Variants in KAT2B observed in about 807,000 individuals in gnomAD.
KAT2B encodes the protein histone acetyltransferase KAT2B.
KAT2B carries 36 observed loss-of-function variants against 105.9 expected under a neutral mutation model. That is an observed-to-expected ratio of 0.34 (90% confidence interval 0.26 to 0.45). The LOEUF is 0.45. Among genes scored for constraint, KAT2B ranks in the 20% least tolerant of loss-of-function variants. The probability of loss-of-function intolerance (pLI) is 1.00; values close to 1 mark genes in which losing one functional copy is unlikely to be tolerated. For synonymous variants in KAT2B, 397 were observed against 377.9 expected, an observed-to-expected ratio of 1.05 and a Z score of -0.59; for missense variants, 820 against 1,021.6, an observed-to-expected ratio of 0.80 and a Z score of 2.69.
intron 17 of KAT2B, chr3:20,148,753 C>T (rs1699819975): frequency 5.6e-6 from 2 of 357,006 alleles, no homozygotes; most frequent in Non-Finnish European, 1.0e-5. Flanking sequence ...GCAGACAGCA[C>T]TAGATTTGAA....
chr3:20,088,427 T>A (rs1274612216), intron 2 of KAT2B, among the ~76,000 whole-genome samples: 1 of 152,208 alleles, frequency 6.6e-6, no homozygotes. Flanking sequence ...TCATCTTTCA[T>A]CTTTTTGATA....
At position 20,153,455 on chromosome 3, in the gene KAT2B, C is replaced by A. The variant is rs375669279; in HGVS notation, c.*930C>A. On this transcript the variant is annotated 3_prime_UTR_variant, in exon 18 of 18. Transcript: ENST00000263754. ...CTTTTCTATGATACACACAGCCACG[C>A]TGATAATATGCAAATGAACATTTTC... 10 of 152,576 alleles carry A rather than the reference C, an allele frequency of 6.6e-5. No homozygotes were observed. The highest frequency in any genetic ancestry group is 2.4e-4 in the African/African-American group (10 of 41,456). The allele number at this position is 152,576 out of a possible 1,614,324, so 9.5% of individuals were successfully genotyped here.
intron 1 of KAT2B, among the ~76,000 whole-genome samples, chr3:20,065,833 A>G (rs889210006): frequency 1.3e-5 from 2 of 152,212 alleles, no homozygotes; most frequent in African/African-American, 4.8e-5. Flanking sequence ...GTTAGGGTCC[A>G]TAGTGAAGAC....
chr3:20,148,077 A>G, intron 15 of KAT2B, 78 bp downstream of exon 15: 2 of 1,471,556 alleles, frequency 1.4e-6, no homozygotes, highest in Non-Finnish European at 1.9e-6. Context: ...GAAAAACGGC[A>G]AACTAATTGT....
chr3:20,114,586 G>A (rs943589114), intron 6 of KAT2B, among the ~76,000 whole-genome samples: 1 of 152,176 alleles, frequency 6.6e-6, no homozygotes, highest in Non-Finnish European at 1.5e-5. Context: ...CTGAAATCGT[G>A]CTCTGAGATT....
At chr3:20,049,248 A>G (rs1207092037) in intron 1 of KAT2B, among the ~76,000 whole-genome samples, 2 of 152,188 alleles carry the variant, frequency 1.3e-5, no homozygotes, top group Non-Finnish European at 2.9e-5. Flanking sequence ...TGAAGATTAA[A>G]TACTTCAGGA....
chr3:20,055,723 G>A (rs1221599585), intron 1 of KAT2B, among the ~76,000 whole-genome samples: 1 of 152,156 alleles, frequency 6.6e-6, no homozygotes, highest in Non-Finnish European at 1.5e-5. Context: ...GTGATGTCAA[G>A]ATCTTTAGTT....
chr3:20,040,542 C>G lies in KAT2B; in HGVS notation c.65C>G (p.Pro22Arg), dbSNP rs1366531500. The stretch of plus-strand genomic sequence containing the variant: ...GCAGGAGCCGGGGCAGGGGCCGGGC[C>G]CGGGGCGCTGCCCCCGCAGCCTGCG... ...CGAGAGAGAGPGALPPQPAAL... is the reference protein window; with the variant it reads ...CGAGAGAGAGRGALPPQPAAL... Residue 22 changes from proline (P) to arginine (R), a missense_variant, in exon 1 of 18, where the codon CCC (proline) becomes CGC (arginine). Around this residue, in one of 6 missense-constraint regions of KAT2B, gnomAD observed 190 missense variants for 176.7 expected, o/e 1.08. Transcript: ENST00000263754. 1 of 1,009,386 alleles carries G rather than the reference C, an allele frequency of 9.9e-7. No homozygotes were observed. The highest frequency in any genetic ancestry group is 8.8e-5 in the East Asian group (1 of 11,354). The allele number at this position is 1,009,386 out of a possible 1,614,324, so 62.5% of individuals were successfully genotyped here.
intron 3 of KAT2B, among the ~76,000 whole-genome samples, chr3:20,097,976 T>C (rs1698840499): frequency 6.6e-6 from 1 of 152,098 alleles, no homozygotes; most frequent in Non-Finnish European, 1.5e-5. Context: ...ACAACTGTAA[T>C]CCCAGAACTT....
chr3:20,058,935 G>C (rs771633611), intron 1 of KAT2B, among the ~76,000 whole-genome samples: 1 of 152,084 alleles, frequency 6.6e-6, no homozygotes, highest in Admixed American at 6.6e-5. Flanking sequence ...GGTTCCACCC[G>C]ACACCCACTG....
At chr3:20,119,841 C>A in intron 8 of KAT2B, 118 bp downstream of exon 8, 1 of 1,082,966 alleles carries the variant, frequency 9.2e-7, no homozygotes, top group Admixed American at 2.6e-5. Context: ...AGGATTTTAA[C>A]AGCTAGAAAT....
chr3:20,055,554 G>T (rs1429113054), intron 1 of KAT2B, among the ~76,000 whole-genome samples: 1 of 152,116 alleles, frequency 6.6e-6, no homozygotes, highest in Non-Finnish European at 1.5e-5. Flanking sequence ...AGAGGGTGCC[G>T]TGCAAAGACT....
chr3:20,049,220 C>T (rs374984099), intron 1 of KAT2B, among the ~76,000 whole-genome samples: 10 of 152,096 alleles, frequency 6.6e-5, no homozygotes, highest in African/African-American at 2.4e-5. Flanking sequence ...GTCCAGGTGC[C>T]ACCTCATTGA....
intron 1 of KAT2B, among the ~76,000 whole-genome samples, chr3:20,064,137 A>G (rs896208051): frequency 6.6e-6 from 1 of 152,212 alleles, no homozygotes; most frequent in Non-Finnish European, 1.5e-5. Context: ...CAAACACTGT[A>G]TGAGGATTCC....
chr3:20,041,789 G>A (rs577694521), intron 1 of KAT2B, among the ~76,000 whole-genome samples: 2 of 152,314 alleles, frequency 1.3e-5, no homozygotes, highest in East Asian at 3.9e-4. Context: ...GCTGTAAAGA[G>A]GGTCAAGTTC....
At chr3:20,048,870 G>C (rs545016594) in intron 1 of KAT2B, among the ~76,000 whole-genome samples, 1 of 151,970 alleles carries the variant, frequency 6.6e-6, no homozygotes, top group Non-Finnish European at 1.5e-5. Context: ...TTTGGGCAGC[G>C]CCCCCCTTTT....
chr3:20,109,694 A>C (rs1257984903), intron 5 of KAT2B, among the ~76,000 whole-genome samples: 1 of 152,146 alleles, frequency 6.6e-6, no homozygotes, highest in Non-Finnish European at 1.5e-5. Flanking sequence ...GAAAGCAATG[A>C]ATTTCTATAT....
intron 1 of KAT2B, among the ~76,000 whole-genome samples, chr3:20,055,959 T>C (rs140084056): frequency 1.3e-3 from 196 of 152,270 alleles, no homozygotes; most frequent in African/African-American, 4.5e-3. Flanking sequence ...GTTGGATGCA[T>C]TGGTAGTTAA....
At chr3:20,084,425 T>C (rs186904893) in intron 2 of KAT2B, among the ~76,000 whole-genome samples, 32 of 152,326 alleles carry the variant, frequency 2.1e-4, no homozygotes, top group Non-Finnish European at 4.3e-4. Context: ...TGAAAGTTAC[T>C]CACCCTTTGT....
Sources: allele counts gnomAD v4.1 joint callset (sites outside exome capture counted in the v4.1 genomes callset), GRCh38; gene constraint gnomAD v4.1.1; regional missense constraint gnomAD v4.1.1; transcripts MANE v1.5; gene names NCBI Gene and HGNC (gene_info 2026-07-23, HGNC 2026-07-21).